Variants in GALNTL6 observed in about 807,000 individuals in gnomAD.
The protein encoded by GALNTL6 is polypeptide N-acetylgalactosaminyltransferase like 6, also known as polypeptide N-acetylgalactosaminyltransferase-like 6.
A neutral mutation model predicts 73.7 loss-of-function variants in GALNTL6; 46 were observed. The ratio of observed to expected loss-of-function variants is 0.62; its 90% CI spans 0.49 to 0.80. The LOEUF is 0.80. Among genes scored for constraint, GALNTL6 ranks in the 30% least tolerant of loss-of-function variants. The pLI, the probability that GALNTL6 is intolerant of heterozygous loss-of-function variation, is 0.00. For synonymous variants in GALNTL6, 259 were observed against 263.7 expected, an observed-to-expected ratio of 0.98 and a Z score of 0.17; for missense variants, 604 against 755.0, an observed-to-expected ratio of 0.80 and a Z score of 2.34.
chr4:172,986,698 AG>A, intron 10 of GALNTL6, among the ~76,000 whole-genome samples: 1 of 152,346 alleles, frequency 6.6e-6, no homozygotes, highest in South Asian at 2.1e-4. Context: ...GAAGGTAAAC[AG>A]ATTTTTAATA....
chr4:172,530,997 A>G (rs1336168736), intron 5 of GALNTL6, among the ~76,000 whole-genome samples: 3 of 149,130 alleles, frequency 2.0e-5, no homozygotes, highest in African/African-American at 4.9e-5. Flanking sequence ...AATTATCACA[A>G]TTTCTGATAC....
chr4:171,892,965 C>T (rs975469739), intron 2 of GALNTL6, among the ~76,000 whole-genome samples: 1 of 152,086 alleles, frequency 6.6e-6, no homozygotes, highest in South Asian at 2.1e-4. Flanking sequence ...ACCATATCTG[C>T]CCTGTTCATT....
intron 10 of GALNTL6, among the ~76,000 whole-genome samples, chr4:172,978,755 A>G (rs1343399603): frequency 6.6e-6 from 1 of 152,236 alleles, no homozygotes; most frequent in African/African-American, 2.4e-5. Flanking sequence ...TTCTGCCACA[A>G]ATAAGGCACA....
chr4:172,906,609 T>C (rs1746906962), intron 8 of GALNTL6, among the ~76,000 whole-genome samples: 1 of 152,212 alleles, frequency 6.6e-6, no homozygotes, highest in South Asian at 2.1e-4. Flanking sequence ...AACCTCTCCT[T>C]CCAAGCTGGC....
chr4:171,837,941 A>G (rs1413231976), intron 2 of GALNTL6, among the ~76,000 whole-genome samples: 1 of 151,316 alleles, frequency 6.6e-6, no homozygotes, highest in Non-Finnish European at 1.5e-5. Context: ...TTATGAAATG[A>G]GAGTCATATA....
chr4:172,573,971 G>T (rs1334223245), intron 5 of GALNTL6, among the ~76,000 whole-genome samples: 1 of 152,014 alleles, frequency 6.6e-6, no homozygotes, highest in African/African-American at 2.4e-5. Context: ...CTGAAATGTA[G>T]GTTTCTCATA....
At chr4:172,082,145 G>A (rs919934098) in intron 2 of GALNTL6, among the ~76,000 whole-genome samples, 4 of 152,040 alleles carry the variant, frequency 2.6e-5, no homozygotes, top group African/African-American at 7.2e-5. Context: ...CCAAAGTACT[G>A]AGATTACAGG....
chr4:172,022,662 A>G (rs1292125029), intron 2 of GALNTL6, among the ~76,000 whole-genome samples: 2 of 151,866 alleles, frequency 1.3e-5, no homozygotes, highest in African/African-American at 2.4e-5. Flanking sequence ...CTGTCCTGCA[A>G]TGTCTTGTCT....
At chr4:172,070,026 G>A (rs1442362695) in intron 2 of GALNTL6, among the ~76,000 whole-genome samples, 1 of 108,742 alleles carries the variant, frequency 9.2e-6, no homozygotes, top group Admixed American at 9.7e-5. Flanking sequence ...CTTCGATAAG[G>A]TAGTATAGGA....
chr4:172,065,495 C>G (rs554014402), intron 2 of GALNTL6, among the ~76,000 whole-genome samples: 48 of 152,130 alleles, frequency 3.2e-4, no homozygotes, highest in African/African-American at 1.2e-3. Flanking sequence ...AATGTAACAT[C>G]ATAGGTAGGA....
At chr4:171,832,962 G>C (rs574207238) in intron 2 of GALNTL6, among the ~76,000 whole-genome samples, 2 of 151,802 alleles carry the variant, frequency 1.3e-5, no homozygotes, top group Non-Finnish European at 3.0e-5. Flanking sequence ...TCAGAGATTT[G>C]TGAACAATTT....
At chr4:172,050,316 G>A (rs1367405415) in intron 2 of GALNTL6, among the ~76,000 whole-genome samples, 1 of 152,136 alleles carries the variant, frequency 6.6e-6, no homozygotes, top group Non-Finnish European at 1.5e-5. Context: ...TTTTTTAAGA[G>A]CAAGTGTAAA....
At chr4:172,314,144 A>G (rs1399957455) in intron 4 of GALNTL6, among the ~76,000 whole-genome samples, 2 of 152,208 alleles carry the variant, frequency 1.3e-5, no homozygotes, top group Non-Finnish European at 2.9e-5. Flanking sequence ...GACATATTTC[A>G]GTATTATCTA....
At chr4:171,925,253 A>T (rs1398849211) in intron 2 of GALNTL6, among the ~76,000 whole-genome samples, 5 of 152,178 alleles carry the variant, frequency 3.3e-5, no homozygotes, top group Non-Finnish European at 7.3e-5. Context: ...TTACCTAAGG[A>T]TGTCGCAGTG....
intron 4 of GALNTL6, among the ~76,000 whole-genome samples, chr4:172,338,097 T>C (rs1293211219): frequency 6.6e-6 from 1 of 152,204 alleles, no homozygotes; most frequent in Non-Finnish European, 1.5e-5. Flanking sequence ...TGAAATACAC[T>C]AAGTGAATTT....
At chr4:172,693,271 G>T (rs986193074) in intron 5 of GALNTL6, among the ~76,000 whole-genome samples, 2 of 152,092 alleles carry the variant, frequency 1.3e-5, no homozygotes, top group African/African-American at 4.8e-5. Flanking sequence ...TTAGGATTTG[G>T]AAGTGGAGTC....
intron 2 of GALNTL6, among the ~76,000 whole-genome samples, chr4:172,097,917 G>GA (rs111538597): frequency 1.2e-4 from 18 of 147,446 alleles, no homozygotes; most frequent in East Asian, 1.2e-3. Flanking sequence ...GGCATTGTGA[G>GA]AAAAAAAAAA....
At chr4:172,799,697 A>C (rs1740496271) in intron 5 of GALNTL6, among the ~76,000 whole-genome samples, 1 of 152,214 alleles carries the variant, frequency 6.6e-6, no homozygotes, top group South Asian at 2.1e-4. Flanking sequence ...ACTATGAAAA[A>C]TAGTATAGTG....
intron 8 of GALNTL6, among the ~76,000 whole-genome samples, chr4:172,920,437 T>A (rs1229155281): frequency 1.3e-5 from 2 of 152,140 alleles, no homozygotes; most frequent in Non-Finnish European, 2.9e-5. Flanking sequence ...AAAATCTATA[T>A]CCCAAAGCTT....
Sources: allele counts gnomAD v4.1 joint callset (sites outside exome capture counted in the v4.1 genomes callset), GRCh38; gene constraint gnomAD v4.1.1; transcripts MANE v1.5; gene names NCBI Gene and HGNC (gene_info 2026-07-23, HGNC 2026-07-21).